CRLF1: variants seen among roughly 807,000 people sequenced by gnomAD.
CRLF1 encodes the protein cytokine receptor-like factor 1.
Under a neutral mutation model 48.9 loss-of-function variants are expected in CRLF1, and 36 were observed. That is an observed-to-expected ratio of 0.74 (90% CI 0.56 to 0.97). The LOEUF is 0.97. Ranked by LOEUF, CRLF1 falls within the 50% of genes least tolerant of loss-of-function variation. The probability of loss-of-function intolerance (pLI) is 0.00; values close to 1 mark genes in which losing one functional copy is unlikely to be tolerated. For missense variants in CRLF1, 534 were observed against 575.1 expected (o/e 0.93, Z 0.73); for synonymous variants, 256 against 253.4 (o/e 1.01, Z -0.10).
At chr19:18,599,015 A>C (rs1976183468) in intron 2 of CRLF1, 114 bp from the exon 3 acceptor site, 1 of 1,557,306 alleles carries the variant, frequency 6.4e-7, no homozygotes, top group African/African-American at 1.4e-5. Context: ...AGGAGGGCAG[A>C]CAGGACAGTC....
chr19:18,596,857 G>T (rs752757281), intron 5 of CRLF1, 35 bp downstream of exon 5: 9 of 1,613,570 alleles, frequency 5.6e-6, no homozygotes, highest in Non-Finnish European at 7.6e-6. Flanking sequence ...GGGCCTGGAA[G>T]GAACAGGGGC....
At chr19:18,604,709 G>A (rs1018477619) in intron 1 of CRLF1, among the ~76,000 whole-genome samples, 33 of 152,274 alleles carry the variant, frequency 2.2e-4, no homozygotes, top group African/African-American at 7.9e-4. Context: ...CCACTGAGCC[G>A]GAGTTGGTGG....
chr19:18,599,446 G>A (rs1976189065), intron 2 of CRLF1, 119 bp downstream of exon 2: 2 of 1,415,962 alleles, frequency 1.4e-6, no homozygotes, highest in African/African-American at 2.8e-5. Flanking sequence ...GACCTGCATA[G>A]CCATGCCAGT....
intron 6 of CRLF1, among the ~76,000 whole-genome samples, chr19:18,595,718 C>T (rs866967318): frequency 3.9e-5 from 6 of 152,320 alleles, no homozygotes; most frequent in Middle Eastern, 3.4e-3. Context: ...GATGGGGAAA[C>T]GGAGGCCAGA....
In CRLF1 at chr19:18,599,850, G is replaced by C; in HGVS notation, c.116-4C>G. 6.6e-7 allele frequency: 1 copy of C among 1,516,950 alleles called. No homozygotes were observed. 94.0% of individuals were successfully genotyped at this position (1,516,950 alleles called of 1,614,324 possible). On this transcript the variant is annotated splice_polypyrimidine_tract_variant and splice_region_variant and intron_variant, in intron 1 of 8. Transcript: ENST00000392386. The stretch of plus-strand genomic sequence containing the variant: ...TGGGGACTGATCACAGCTGTGTCTG[G>C]GGTCAAAGAGGAACACGTGTCAGGC...
rs1010700288 is a variant in CRLF1 at position 18,596,641 on chromosome 19, G to T, written c.1005C>A (p.Ala335=). ...GIWSEWSHPT[A]ASTPRSERPG... ...GCTCACCACTGCGGGGAGTGGAGGC[G>T]GCTGTGGGGTGGCTCCACTCACTCC... is the stretch of plus-strand genomic sequence containing the variant. The change falls in exon 6 of 9, where the codon GCC becomes GCA. Residue 335 remains alanine (A), a synonymous_variant. Transcript: ENST00000392386. 2 of 1,613,824 alleles carry T rather than the reference G, an allele frequency of 1.2e-6. No individual in the cohort carries two copies. Among genetic ancestry groups the T allele is most frequent in the Non-Finnish European group, 1.7e-6 (2 of 1,179,922 alleles).
chr19:18,601,345 C>T (rs1195444630), intron 1 of CRLF1, among the ~76,000 whole-genome samples: 2 of 151,812 alleles, frequency 1.3e-5, no homozygotes, highest in Non-Finnish European at 2.9e-5. Flanking sequence ...GGCACGATCT[C>T]GGCTCACCGC....
intron 1 of CRLF1, 72 bp from the exon 2 acceptor site, chr19:18,599,918 C>A: frequency 7.1e-7 from 1 of 1,414,236 alleles, no homozygotes; most frequent in East Asian, 2.4e-5. Flanking sequence ...CCAGGACCTC[C>A]AGGGTTCATG....
At chr19:18,602,031 T>C (rs1200010487) in intron 1 of CRLF1, among the ~76,000 whole-genome samples, 1 of 152,222 alleles carries the variant, frequency 6.6e-6, no homozygotes, top group Non-Finnish European at 1.5e-5. Context: ...GAGAAAGCTC[T>C]TTGTCTCCTG....
chr19:18,599,485 G>A (rs1461570938), intron 2 of CRLF1, 80 bp downstream of exon 2: 34 of 1,585,824 alleles, frequency 2.1e-5, no homozygotes, highest in African/African-American at 2.7e-5. Flanking sequence ...CAGGCCAGAA[G>A]GCCCACAATT....
intron 1 of CRLF1, among the ~76,000 whole-genome samples, chr19:18,601,607 T>A (rs1600655464): frequency 6.6e-6 from 1 of 152,236 alleles, no homozygotes; most frequent in East Asian, 1.9e-4. Flanking sequence ...AATCGCCATG[T>A]TGGCCAGGCT....
chr19:18,598,366 C>A (rs1976170765), intron 4 of CRLF1, 66 bp downstream of exon 4: 1 of 1,542,470 alleles, frequency 6.5e-7, no homozygotes, highest in Non-Finnish European at 8.8e-7. Flanking sequence ...TGCAGGGGAC[C>A]CCTCGGGATG....
chr19:18,593,517 G>A lies in CRLF1; in HGVS notation c.*49C>T, dbSNP rs776511583. 6.8e-6 allele frequency: 11 copies of A among 1,606,804 alleles called. No individual in the cohort carries two copies. The highest frequency in any genetic ancestry group is 3.3e-5 in the South Asian group (3 of 89,654). ...ACAGAGGTGGCCCCAGTTTGGGTTC[G>A]GCCTCTGCGTCTCCACGTGGCAGGG... is the stretch of plus-strand genomic sequence containing the variant. On this transcript the variant is annotated 3_prime_UTR_variant, in exon 9 of 9. Coordinates refer to ENST00000392386, the MANE Select transcript of CRLF1 (RefSeq NM_004750.5).
intron 2 of CRLF1, 40 bp from the exon 3 acceptor site, chr19:18,598,941 T>G (rs951462741): frequency 6.2e-7 from 1 of 1,609,994 alleles, no homozygotes; most frequent in African/African-American, 1.3e-5. Flanking sequence ...GCTGAGGGTC[T>G]GGACTAGCTG....
chr19:18,594,935 A>G (rs1193234236), intron 6 of CRLF1, among the ~76,000 whole-genome samples: 2 of 152,262 alleles, frequency 1.3e-5, no homozygotes, highest in East Asian at 3.9e-4. Context: ...CCCTGGGGAC[A>G]TAGGGACAAA....
At chr19:18,594,879 G>A (rs1976110446) in intron 6 of CRLF1, among the ~76,000 whole-genome samples, 1 of 152,150 alleles carries the variant, frequency 6.6e-6, no homozygotes, top group Non-Finnish European at 1.5e-5. Context: ...TGAAAGCCAA[G>A]GGTGTCAGCC....
Position 18,596,627 on chromosome 19 carries a change from C to T in CRLF1, c.1019G>A (p.Arg340His), listed in dbSNP as rs926518620. ...AGCCCTAGGAGGGTGCTCACCACTG[C>T]GGGGAGTGGAGGCGGCTGTGGGGTG... ...WSHPTAASTP[R>H]SERPGPGGGA... Residue 340 changes from arginine to histidine, a missense_variant, in exon 6 of 9, where the codon CGC becomes CAC. Physicochemically the swap from Arg to His is conservative, Grantham distance 29. Transcript: ENST00000392386. 47 of 1,613,764 alleles carry T rather than the reference C, an allele frequency of 2.9e-5. No homozygotes were observed. Among genetic ancestry groups the T allele is most frequent in the Non-Finnish European group, 3.6e-5 (43 of 1,179,926 alleles).
chr19:18,599,653 G>A lies in CRLF1; in HGVS notation c.309C>T (p.Leu103=). 6.2e-7 allele frequency: 1 copy of A among 1,613,532 alleles called. No individual in the cohort carries two copies. Among genetic ancestry groups the A allele is most frequent in the Non-Finnish European group, 8.5e-7 (1 of 1,179,928 alleles). Residue 103 remains leucine (L), a synonymous_variant, in exon 2 of 9, where the codon CTC becomes CTT. Coordinates refer to ENST00000392386, the MANE Select transcript of CRLF1 (RefSeq NM_004750.5). ...CCCCCGACCGCTGCCTGGACCCATT[G>A]AGGTTGGCCAGGGCCAGAGCCAAGG... is the stretch of plus-strand genomic sequence containing the variant. ...ASTLALALAN[L]NGSRQRSGDN... is the part of the protein sequence containing the mutation.
chr19:18,599,895 GC>G, intron 1 of CRLF1, 49 bp from the exon 2 acceptor site: 2 of 1,464,360 alleles, frequency 1.4e-6, no homozygotes, highest in Non-Finnish European at 1.8e-6. Context: ...GACCCTCCAA[GC>G]CCCCAACCAT....
Sources: allele counts gnomAD v4.1 joint callset (sites outside exome capture counted in the v4.1 genomes callset), GRCh38; gene constraint gnomAD v4.1.1; transcripts MANE v1.5; gene names NCBI Gene and HGNC (gene_info 2026-07-23, HGNC 2026-07-21).